Variants in DLG1 observed in about 807,000 individuals in gnomAD.
DLG1 encodes the protein disks large homolog 1.
In DLG1, 42 loss-of-function variants were observed where a neutral mutation model predicts 123.4. That is an observed-to-expected ratio of 0.34 (90% CI 0.27 to 0.44). The LOEUF (loss-of-function observed/expected upper bound fraction) is 0.44. DLG1 is among the 20% of genes least tolerant of loss of function. The probability of loss-of-function intolerance (pLI) is 1.00; values close to 1 mark genes in which losing one functional copy is unlikely to be tolerated. For synonymous variants in DLG1, 317 were observed against 356.2 expected, an observed-to-expected ratio of 0.89 and a Z score of 1.24; for missense variants, 942 against 1,082.6, an observed-to-expected ratio of 0.87 and a Z score of 1.82.
At chr3:197,155,699 C>T (rs1246346883) in intron 5 of DLG1, among the ~76,000 whole-genome samples, 1 of 151,828 alleles carries the variant, frequency 6.6e-6, no homozygotes, top group Non-Finnish European at 1.5e-5. Context: ...GTGGCCGAGG[C>T]AGGCAGAGAT....
intron 1 of DLG1, chr3:197,297,925 G>A (rs1778310914): frequency 3.7e-5 from 36 of 984,080 alleles, no homozygotes; most frequent in Non-Finnish European, 4.3e-5. Context: ...CCGAGCGGAG[G>A]GGGCGAAGGG....
intron 4 of DLG1, among the ~76,000 whole-genome samples, chr3:197,278,881 A>C (rs1379782147): frequency 6.6e-6 from 1 of 152,230 alleles, no homozygotes; most frequent in Non-Finnish European, 1.5e-5. Flanking sequence ...CTGCAAAAGC[A>C]AACATGAAGT....
At chr3:197,296,649 A>C in intron 2 of DLG1, 172 bp from the exon 3 acceptor site, 1 of 507,698 alleles carries the variant, frequency 2.0e-6, no homozygotes, top group South Asian at 4.0e-5. Context: ...AAATAAAAAA[A>C]AAAATTAAAG....
chr3:197,090,570 A>G (rs1324863016), intron 15 of DLG1, among the ~76,000 whole-genome samples: 1 of 152,066 alleles, frequency 6.6e-6, no homozygotes, highest in African/African-American at 2.4e-5. Context: ...AATATATTAG[A>G]AAAGGACAGA....
intron 5 of DLG1, among the ~76,000 whole-genome samples, chr3:197,167,946 C>T (rs1802234435): frequency 6.6e-6 from 1 of 152,094 alleles, no homozygotes; most frequent in Admixed American, 6.6e-5. Context: ...AGTCTCCAGC[C>T]CTAACAATAG....
At chr3:197,112,759 TA>T (rs201154916) in intron 13 of DLG1, among the ~76,000 whole-genome samples, 2 of 151,942 alleles carry the variant, frequency 1.3e-5, no homozygotes, top group South Asian at 2.1e-4. Context: ...TCTGGCTAAT[TA>T]AAAAAAAATT....
chr3:197,063,202 AAAG>A (rs1269044065), intron 22 of DLG1, among the ~76,000 whole-genome samples: 4 of 151,922 alleles, frequency 2.6e-5, no homozygotes, highest in Non-Finnish European at 5.9e-5. Context: ...AAAAAAAAAA[AAAG>A]AAATACAGTC....
At chr3:197,257,399 G>A (rs898586506) in intron 4 of DLG1, among the ~76,000 whole-genome samples, 12 of 151,950 alleles carry the variant, frequency 7.9e-5, no homozygotes, top group African/African-American at 2.7e-4. Context: ...CCCCACACAC[G>A]GGCATACATT....
At chr3:197,245,543 T>G (rs537538921) in intron 4 of DLG1, among the ~76,000 whole-genome samples, 1 of 152,308 alleles carries the variant, frequency 6.6e-6, no homozygotes, top group Non-Finnish European at 1.5e-5. Flanking sequence ...TAAATTCCTA[T>G]ACATCCATAG....
At chr3:197,069,095 C>G in intron 19 of DLG1, 124 bp downstream of exon 19, 1 of 525,904 alleles carries the variant, frequency 1.9e-6, no homozygotes, top group South Asian at 5.1e-5. Context: ...CTTGTCTCTC[C>G]CTGATTTTAA....
At chr3:197,285,040 A>C (rs1456467392) in intron 3 of DLG1, among the ~76,000 whole-genome samples, 1 of 148,420 alleles carries the variant, frequency 6.7e-6, no homozygotes, top group Non-Finnish European at 1.5e-5. Context: ...AAAAAAAAAA[A>C]AAAAAAACTG....
In DLG1 at chr3:197,161,630, T is replaced by A. The variant is rs185478955; in HGVS notation, c.484-11834A>T. On this transcript the variant is annotated intron_variant, in intron 5 of 24. Transcript: ENST00000667157. ...AAATTTTTATAAAGAAAAAAGAAACTAATAAAAACCTGTGGTATGGTGGGT... is the reference window on the plus strand; with the variant it reads ...AAATTTTTATAAAGAAAAAAGAAACAAATAAAAACCTGTGGTATGGTGGGT... 7.1e-6 allele frequency: 10 copies of A among 1,402,866 alleles called. No homozygotes were observed. The Admixed American group carries it at 2.3e-4, about 32-fold the overall frequency. The allele number at this position is 1,402,866 out of a possible 1,614,324, so 86.9% of individuals were successfully genotyped here.
chr3:197,121,962 C>A (rs1459018909), intron 11 of DLG1, among the ~76,000 whole-genome samples: 1 of 151,844 alleles, frequency 6.6e-6, no homozygotes, highest in African/African-American at 2.4e-5. Flanking sequence ...CAGGGCCAGA[C>A]AGATAGATAG....
chr3:197,114,433 C>G (rs1771883648), intron 13 of DLG1, among the ~76,000 whole-genome samples: 1 of 152,312 alleles, frequency 6.6e-6, no homozygotes, highest in South Asian at 2.1e-4. Flanking sequence ...CAACATAAAA[C>G]AGTATCTTCA....
intron 5 of DLG1, among the ~76,000 whole-genome samples, chr3:197,168,860 T>C (rs2149998834): frequency 6.6e-6 from 1 of 152,334 alleles, no homozygotes; most frequent in Non-Finnish European, 1.5e-5. Context: ...TGAGGCTGCC[T>C]TCAGAGACTT....
chr3:197,250,177 T>G (rs1385765273), intron 4 of DLG1, among the ~76,000 whole-genome samples: 1 of 152,038 alleles, frequency 6.6e-6, no homozygotes, highest in Non-Finnish European at 1.5e-5. Flanking sequence ...CAAAAAAAAC[T>G]GTAAGAACTG....
chr3:197,282,746 ATC>A lies in DLG1; in HGVS notation c.249_250del (p.Glu83AspfsTer19). The A allele has an allele frequency of 6.2e-7, 1 of 1,612,482 alleles. No individual in the cohort carries two copies. Among genetic ancestry groups the A allele is most frequent in the South Asian group, 1.1e-5 (1 of 90,798 alleles). ...CACAGTAGAGCTTGGAAGGCTGGAAATCTCCCAAGTATTCACAGGTTGAATTG... is the reference window on the plus strand; with the variant it reads ...CACAGTAGAGCTTGGAAGGCTGGAAATCCCAAGTATTCACAGGTTGAATTG... On this transcript the variant is annotated frameshift_variant, in exon 4 of 25. Transcript: ENST00000667157. LOFTEE classifies it high-confidence loss of function.
rs188883693 is a variant in DLG1, at chr3:197,285,973, A to G, written c.152-3128T>C. Among the ~76,000 whole-genome samples, 15 of 152,340 alleles carry G rather than the reference A, an allele frequency of 9.8e-5. No homozygotes were observed. The East Asian group carries it at 1.7e-3, about 18-fold the overall frequency. On this transcript the variant is annotated intron_variant, in intron 3 of 24. Coordinates refer to ENST00000667157, the MANE Select transcript of DLG1 (RefSeq NM_001366207.1). ...TAACTGATAAAACTTTGAAGCAACCAATATGTTCTTTAACAGGTGAGTAGA... is the reference window on the plus strand; with the variant it reads ...TAACTGATAAAACTTTGAAGCAACCGATATGTTCTTTAACAGGTGAGTAGA...
At chr3:197,096,827 T>G (rs561742360) in intron 14 of DLG1, among the ~76,000 whole-genome samples, 2 of 152,350 alleles carry the variant, frequency 1.3e-5, no homozygotes, top group African/African-American at 4.8e-5. Context: ...ACAGCTTGAC[T>G]GTGGAGACAT....
Sources: allele counts gnomAD v4.1 joint callset (sites outside exome capture counted in the v4.1 genomes callset), GRCh38; gene constraint gnomAD v4.1.1; transcripts MANE v1.5; gene names NCBI Gene and HGNC (gene_info 2026-07-23, HGNC 2026-07-21).